IQCM: variants seen among roughly 807,000 people sequenced by gnomAD.
IQCM encodes IQ domain-containing protein M.
IQCM carries 45 observed loss-of-function variants against 57.6 expected under a neutral mutation model. The ratio of observed to expected loss-of-function variants is 0.78; its 90% CI spans 0.62 to 1.00. The LOEUF is 1.00. Among genes scored for constraint, IQCM ranks in the 50% least tolerant of loss-of-function variants. The pLI is 0.00. For missense variants in IQCM, 468 were observed against 511.6 expected (o/e 0.91, Z 0.82); for synonymous variants, 148 against 158.9 (o/e 0.93, Z 0.51).
chr4:149,454,266 T>G (rs1737449843), intron 12 of IQCM, among the ~76,000 whole-genome samples: 1 of 150,860 alleles, frequency 6.6e-6, no homozygotes, highest in Admixed American at 6.7e-5. Flanking sequence ...ATACACACAC[T>G]CCATGAAATA....
At chr4:149,387,383 A>AGGT (rs1731499726) in intron 13 of IQCM, among the ~76,000 whole-genome samples, 1 of 152,070 alleles carries the variant, frequency 6.6e-6, no homozygotes, top group Admixed American at 6.6e-5. Context: ...CGATCATAGC[A>AGGT]GGTGGTGACA....
chr4:149,375,429 C>A (rs771579981), intron 13 of IQCM, among the ~76,000 whole-genome samples: 2 of 152,102 alleles, frequency 1.3e-5, no homozygotes, highest in Admixed American at 1.3e-4. Context: ...AAGTCTAACA[C>A]AAAGGAAAGT....
intron 12 of IQCM, among the ~76,000 whole-genome samples, chr4:149,485,856 G>C (rs1345174024): frequency 6.6e-6 from 1 of 152,198 alleles, no homozygotes; most frequent in East Asian, 1.9e-4. Context: ...AGGCTTTCCA[G>C]GTATTCAAAG....
At chr4:149,625,322 C>T (rs963586335) in intron 7 of IQCM, among the ~76,000 whole-genome samples, 5 of 151,962 alleles carry the variant, frequency 3.3e-5, no homozygotes, top group African/African-American at 1.2e-4. Context: ...AAGTTGTTTC[C>T]AAAAGGATTC....
chr4:149,557,146 C>G (rs1332395518), intron 10 of IQCM, among the ~76,000 whole-genome samples: 5 of 152,118 alleles, frequency 3.3e-5, no homozygotes, highest in Non-Finnish European at 7.4e-5. Context: ...GTGAGCTCAC[C>G]TGGATTAGCT....
rs143139902 is a variant in IQCM, at chr4:149,727,839, A to G, written c.385+5405T>C. Among the ~76,000 whole-genome samples, 685 of 152,298 alleles carry G rather than the reference A, an allele frequency of 4.5e-3. 4 individuals carry two copies. The highest frequency in any genetic ancestry group is 0.016 in the African/African-American group (650 of 41,566). On this transcript the variant is annotated intron_variant, in intron 5 of 13. Coordinates refer to ENST00000636793, the MANE Select transcript of IQCM (RefSeq NM_001363507.2). The stretch of plus-strand genomic sequence containing the variant: ...CCAAGAGGATTTCAGGTGATGAATG[A>G]GAAGTGTTTGACACGGCCTGCATGC...
chr4:149,374,108 G>A (rs1161823102), intron 13 of IQCM, among the ~76,000 whole-genome samples: 1 of 152,114 alleles, frequency 6.6e-6, no homozygotes, highest in African/African-American at 2.4e-5. Flanking sequence ...CCCACCTGGG[G>A]TATGTTCTTG....
chr4:149,519,738 C>T (rs1166269904), intron 12 of IQCM, among the ~76,000 whole-genome samples: 4 of 151,908 alleles, frequency 2.6e-5, no homozygotes, highest in Admixed American at 2.0e-4. Context: ...GGCATGGTGA[C>T]TCATGCCTGT....
At position 149,766,337 on chromosome 4, in the gene IQCM, T is replaced by C. The variant is rs368162704; in HGVS notation, c.-48-23598A>G. On this transcript the variant is annotated intron_variant, in intron 2 of 13. Coordinates refer to ENST00000636793, the MANE Select transcript of IQCM (RefSeq NM_001363507.2). ...AAAAAAATATTATGACTTCCCTTTCTGCAATCAAGCTAAACCAGTTCCTGT... is the reference window on the plus strand; with the variant it reads ...AAAAAAATATTATGACTTCCCTTTCCGCAATCAAGCTAAACCAGTTCCTGT... Among the ~76,000 whole-genome samples, 4 of 152,158 alleles carry C rather than the reference T, an allele frequency of 2.6e-5. No individual in the cohort carries two copies. In the East Asian group the frequency reaches 7.7e-4, roughly 29 times the overall value.
At chr4:149,487,899 G>A (rs972811079) in intron 12 of IQCM, among the ~76,000 whole-genome samples, 2 of 151,972 alleles carry the variant, frequency 1.3e-5, no homozygotes, top group African/African-American at 2.4e-5. Context: ...TTAAAATCAG[G>A]TACTGTGATT....
intron 13 of IQCM, among the ~76,000 whole-genome samples, chr4:149,409,162 G>A (rs1397642037): frequency 6.6e-6 from 1 of 152,194 alleles, no homozygotes; most frequent in Non-Finnish European, 1.5e-5. Flanking sequence ...TCCAGTGAGT[G>A]AGAAGCCAGA....
intron 7 of IQCM, among the ~76,000 whole-genome samples, chr4:149,630,428 T>C (rs765574095): frequency 9.9e-5 from 15 of 152,178 alleles, no homozygotes; most frequent in African/African-American, 2.9e-4. Flanking sequence ...CAGTGAAGTA[T>C]AGGTTTCTAA....
chr4:149,522,654 A>T (rs1427562647), intron 12 of IQCM, among the ~76,000 whole-genome samples: 1 of 152,108 alleles, frequency 6.6e-6, no homozygotes, highest in East Asian at 1.9e-4. Flanking sequence ...ATATCTCCAG[A>T]GTAAAGATAA....
At chr4:149,689,257 T>C (rs1476358881) in intron 5 of IQCM, among the ~76,000 whole-genome samples, 1 of 152,014 alleles carries the variant, frequency 6.6e-6, no homozygotes, top group Non-Finnish European at 1.5e-5. Flanking sequence ...ATGTCCTTTG[T>C]AGGGACATGG....
At chr4:149,369,421 C>G (rs1170975188) in intron 13 of IQCM, among the ~76,000 whole-genome samples, 2 of 151,850 alleles carry the variant, frequency 1.3e-5, no homozygotes, top group Non-Finnish European at 2.9e-5. Flanking sequence ...AAGGAAGAGG[C>G]CCATCTAAAA....
In IQCM at chr4:149,478,353, T is replaced by C. The variant is rs182398360; in HGVS notation, c.1229-44796A>G. ...TGGAGACTGTTGATTGTAGATATCA[T>C]AGACTCCCATGTTCTGAAAGTCTGG... is the stretch of plus-strand genomic sequence containing the variant. On this transcript the variant is annotated intron_variant, in intron 12 of 13. Coordinates refer to ENST00000636793, the MANE Select transcript of IQCM (RefSeq NM_001363507.2). Among the ~76,000 whole-genome samples the C allele has an allele frequency of 1.6e-3, 239 of 152,262 alleles. 2 individuals are homozygous for C. Among genetic ancestry groups the C allele is most frequent in the Middle Eastern group, 0.01 (3 of 294 alleles).
At chr4:149,515,274 G>A (rs549952927) in intron 12 of IQCM, among the ~76,000 whole-genome samples, 23 of 152,196 alleles carry the variant, frequency 1.5e-4, no homozygotes, top group African/African-American at 5.1e-4. Context: ...AAGTCACCAT[G>A]CGACCTGAAT....
At chr4:149,741,911 G>A (rs1046004433) in intron 3 of IQCM, among the ~76,000 whole-genome samples, 5 of 152,062 alleles carry the variant, frequency 3.3e-5, no homozygotes, top group Non-Finnish European at 7.4e-5. Context: ...ATGTTAACAC[G>A]CACATTGCAC....
intron 12 of IQCM, among the ~76,000 whole-genome samples, chr4:149,519,004 T>A (rs1184977829): frequency 6.6e-6 from 1 of 152,216 alleles, no homozygotes. Context: ...ATCCCATCAT[T>A]TGATTTAGAG....
Sources: gnomAD v4.1 joint callset for allele counts (sites outside exome capture counted in the v4.1 genomes callset) on GRCh38, gnomAD v4.1.1 for gene constraint, MANE v1.5 for transcripts, NCBI Gene and HGNC (gene_info 2026-07-23, HGNC 2026-07-21) for gene names.